Variants in TDRD9 observed in about 807,000 individuals in gnomAD.
The protein encoded by TDRD9 is tudor domain containing 9, also known as ATP-dependent RNA helicase TDRD9.
In TDRD9, 124 loss-of-function variants were observed where a neutral mutation model predicts 172.6. That is an observed-to-expected ratio of 0.72 (90% CI 0.62 to 0.83). TDRD9 has a LOEUF of 0.83. Among genes scored for constraint, TDRD9 ranks in the 40% least tolerant of loss-of-function variants. The pLI is 0.00. For missense variants in TDRD9, 1,479 were observed against 1,714.1 expected (o/e 0.86, Z 2.42); for synonymous variants, 619 against 617.1 (o/e 1.00, Z -0.05).
rs1347639820 is a variant in TDRD9, at chr14:103,967,667, A to T, written c.765+836A>T. Among the ~76,000 whole-genome samples the T allele has an allele frequency of 3.3e-5, 5 of 152,198 alleles. 1 individual carries two copies. The highest frequency in any genetic ancestry group is 7.3e-5 in the Non-Finnish European group (5 of 68,036). On this transcript the variant is annotated intron_variant, in intron 5 of 35. Transcript: ENST00000409874. ...GCTGAGTCAGTGCGTTTGTGATCTT[A>T]TGTACAGGCACTTGGTTTTAAATTA...
intron 35 of TDRD9, among the ~76,000 whole-genome samples, chr14:104,051,690 C>T (rs186962696): frequency 2.4e-4 from 36 of 152,252 alleles, no homozygotes; most frequent in Admixed American, 2.2e-3. Flanking sequence ...ATTTGCACTT[C>T]TCTGATGATT....
intron 5 of TDRD9, among the ~76,000 whole-genome samples, chr14:103,970,086 A>C (rs577786938): frequency 6.6e-6 from 1 of 152,272 alleles, no homozygotes; most frequent in South Asian, 2.1e-4. Context: ...GCTCCCGGTC[A>C]GTGTTAGACT....
At chr14:104,024,867 CTA>C (rs2035067777) in intron 25 of TDRD9, among the ~76,000 whole-genome samples, 187 bp downstream of exon 25, 1 of 151,650 alleles carries the variant, frequency 6.6e-6, no homozygotes, top group African/African-American at 2.4e-5. Context: ...TGAAATATGA[CTA>C]AAATGGAAAT....
chr14:103,963,314 G>A lies in TDRD9; in HGVS notation c.420+138G>A. Reference sequence around the variant, plus strand: ...GTACAAGGTTCTGTGGTGGATAAGAGGAGGGTGTGCTCAGGCCAACCTGCA... The same window carrying A: ...GTACAAGGTTCTGTGGTGGATAAGAAGAGGGTGTGCTCAGGCCAACCTGCA... On this transcript the variant is annotated intron_variant, in intron 3 of 35. Coordinates refer to ENST00000409874, the MANE Select transcript of TDRD9 (RefSeq NM_153046.3). 7.0e-6 allele frequency: 4 copies of A among 573,094 alleles called. No homozygotes were observed. In the South Asian group the frequency reaches 1.1e-4, roughly 15 times the overall value. 35.5% of individuals were successfully genotyped at this position (573,094 alleles called of 1,614,324 possible).
intron 1 of TDRD9, among the ~76,000 whole-genome samples, chr14:103,948,161 G>C (rs951606702): frequency 6.6e-6 from 1 of 151,990 alleles, no homozygotes; most frequent in Non-Finnish European, 1.5e-5. Flanking sequence ...CTATAGGTGT[G>C]CAGCAGCGTG....
At chr14:104,024,911 T>C (rs917065032) in intron 25 of TDRD9, among the ~76,000 whole-genome samples, 5 of 152,384 alleles carry the variant, frequency 3.3e-5, no homozygotes, top group South Asian at 4.1e-4. Flanking sequence ...TCAAAGTTAA[T>C]TTTTAAAATA....
intron 1 of TDRD9, among the ~76,000 whole-genome samples, chr14:103,949,896 G>A (rs1470820196): frequency 6.6e-5 from 10 of 151,762 alleles, no homozygotes; most frequent in Non-Finnish European, 1.5e-4. Flanking sequence ...TTTTGGTCTC[G>A]AACTCCCGAC....
intron 9 of TDRD9, among the ~76,000 whole-genome samples, chr14:103,992,782 G>C (rs1021835550): frequency 1.3e-5 from 2 of 151,844 alleles, no homozygotes; most frequent in African/African-American, 4.8e-5. Flanking sequence ...AAAATTAGCC[G>C]GGCATGGTGG....
At position 103,928,508 on chromosome 14, in the gene TDRD9, G is replaced by T; in HGVS notation, c.-2G>T. The T allele has an allele frequency of 7.0e-7, 1 of 1,430,350 alleles. No individual in the cohort carries two copies. The highest frequency in any genetic ancestry group is 9.2e-7 in the Non-Finnish European group (1 of 1,081,944). 88.6% of individuals were successfully genotyped at this position (1,430,350 alleles called of 1,614,324 possible). A position where few individuals can be genotyped will look rare whatever the true frequency, so the allele number is the denominator to read the frequency against. On this transcript the variant is annotated 5_prime_UTR_variant, in exon 1 of 36. The change creates a new upstream start codon in the 5' untranslated region. Coordinates refer to ENST00000409874, the MANE Select transcript of TDRD9 (RefSeq NM_153046.3). ...GGGGATGCCGACGCCTGGGCCTTGA[G>T]GATGCTGCGGAAGCTCACCATCGAG...
At chr14:103,987,162 A>ACACC (rs1491074761) in intron 8 of TDRD9, among the ~76,000 whole-genome samples, 1 of 145,080 alleles carries the variant, frequency 6.9e-6, no homozygotes, top group African/African-American at 2.6e-5. Context: ...ACACACACAC[A>ACACC]CCATATGATT....
intron 8 of TDRD9, among the ~76,000 whole-genome samples, chr14:103,987,129 C>T (rs199743940): frequency 0.12 from 8,606 of 72,722 alleles, 658 homozygotes; most frequent in African/African-American, 0.3. Flanking sequence ...TATATACACA[C>T]ACACACACAC....
intron 8 of TDRD9, among the ~76,000 whole-genome samples, chr14:103,988,696 T>G (rs1454188110): frequency 1.7e-4 from 5 of 29,188 alleles, no homozygotes; most frequent in Non-Finnish European, 4.2e-4. Flanking sequence ...GCATTTTACT[T>G]TTTTTTTTTT....
chr14:104,032,190 GTTATCTTTTC>G (rs1380164638), intron 30 of TDRD9, 103 bp downstream of exon 30: 20 of 694,950 alleles, frequency 2.9e-5, no homozygotes, highest in African/African-American at 2.2e-4. Context: ...GTTGGAATGT[GTTATCTTTTC>G]TTTTCTTTTC....
Position 103,980,586 on chromosome 14 carries a change from G to A in TDRD9, c.1011+5033G>A, listed in dbSNP as rs1287949828. On this transcript the variant is annotated intron_variant, in intron 7 of 35. Transcript: ENST00000409874. This position sits in a 1 kb window ranked among gnomAD's most constrained non-coding sequence, Gnocchi z 4.5. ...CTGAAGCACAGCATCACAGGGAGACGGTTAGGCCTCCGGATAACTGCGGGC... is the reference window on the plus strand; with the variant it reads ...CTGAAGCACAGCATCACAGGGAGACAGTTAGGCCTCCGGATAACTGCGGGC... Among the ~76,000 whole-genome samples the A allele has an allele frequency of 2.6e-5, 4 of 152,254 alleles. No individual in the cohort carries two copies. Among genetic ancestry groups the A allele is most frequent in the African/African-American group, 4.8e-5 (2 of 41,554 alleles).
At chr14:104,048,232 T>C (rs2035837219) in intron 34 of TDRD9, among the ~76,000 whole-genome samples, 1 of 152,190 alleles carries the variant, frequency 6.6e-6, no homozygotes, top group Non-Finnish European at 1.5e-5. Flanking sequence ...GCTGTTTTGT[T>C]ATGTTTTTAA....
At chr14:104,022,915 C>T (rs566337246) in intron 24 of TDRD9, among the ~76,000 whole-genome samples, 1 of 151,772 alleles carries the variant, frequency 6.6e-6, no homozygotes, top group African/African-American at 2.4e-5. Context: ...TGAGGTGGCT[C>T]ATGCCTGTAA....
At chr14:104,016,363 T>C (rs1321375953) in intron 22 of TDRD9, among the ~76,000 whole-genome samples, 2 of 152,144 alleles carry the variant, frequency 1.3e-5, no homozygotes, top group African/African-American at 2.4e-5. Flanking sequence ...TCATGTGCTA[T>C]TTTGAAGGAT....
intron 6 of TDRD9, among the ~76,000 whole-genome samples, chr14:103,971,848 A>T (rs775923487): frequency 6.6e-6 from 1 of 152,034 alleles, no homozygotes; most frequent in Non-Finnish European, 1.5e-5. Flanking sequence ...AATAAGTACC[A>T]CAGTTTAAAG....
intron 7 of TDRD9, among the ~76,000 whole-genome samples, chr14:103,975,805 A>T (rs187252522): frequency 6.6e-6 from 1 of 152,322 alleles, no homozygotes; most frequent in Admixed American, 6.5e-5. Context: ...TTTAACATTT[A>T]TCTTTGTGGT....
Sources: allele counts gnomAD v4.1 joint callset (sites outside exome capture counted in the v4.1 genomes callset), GRCh38; gene constraint gnomAD v4.1.1; non-coding constraint Gnocchi (gnomAD v3.1); transcripts MANE v1.5; gene names NCBI Gene and HGNC (gene_info 2026-07-23, HGNC 2026-07-21).